The following SCYGR3 variants were observed in gnomAD, a reference collection of about 807,000 sequenced individuals.
The protein encoded by SCYGR3 is small cysteine and glycine repeat-containing protein 3.
At chr2:227,614,591 T>C (rs557400897) in exon 1 of SCYGR3, 30 of 398,740 alleles carry the variant, frequency 7.5e-5, no homozygotes, top group East Asian at 2.1e-4. Flanking sequence ...CAGCCCTTCC[T>C]ACAGCCACAG....
rs1693900188 is a variant in SCYGR3, at chr2:227,614,733, GCCACAGACACCACCACAGCCACCA to G, written c.84_107del (p.Gly29_Gly36del). The G allele has an allele frequency of 7.5e-6, 3 of 398,886 alleles. No individual in the cohort carries two copies. In the East Asian group the frequency reaches 1.1e-4, roughly 14 times the overall value. The allele number at this position is 398,886 out of a possible 1,614,324, so 24.7% of individuals were successfully genotyped here. Reference sequence around the variant, plus strand: ...GGTAGCACCTGCAGGTGGTGCAGCTGCCACAGACACCACCACAGCCACCACCGCAGCCACCACCGCAGCCACCAC... The same window carrying G: ...GGTAGCACCTGCAGGTGGTGCAGCTGCCGCAGCCACCACCGCAGCCACCAC... On this transcript the variant is annotated inframe_deletion, in exon 1 of 1. Coordinates refer to ENST00000642029, the Ensembl canonical transcript of SCYGR3.
exon 1 of SCYGR3, chr2:227,614,793 A>G (rs958409543): frequency 2.5e-6 from 1 of 407,972 alleles, no homozygotes; most frequent in East Asian, 3.5e-5. Context: ...CGCAGCCACC[A>G]CAGCCACCAC....
At chr2:227,614,643 T>C (rs992121397) in exon 1 of SCYGR3, 2 of 398,622 alleles carry the variant, frequency 5.0e-6, no homozygotes, top group Non-Finnish European at 8.8e-6. Flanking sequence ...AGATCACAGG[T>C]GTGCTGCAAC....
At chr2:227,614,788 C>T in exon 1 of SCYGR3, 3 of 407,208 alleles carry the variant, frequency 7.4e-6, no homozygotes, top group Non-Finnish European at 1.3e-5. Context: ...ACCACCGCAG[C>T]CACCACAGCC....
chr2:227,614,612 G>T (rs554555926), exon 1 of SCYGR3: 11 of 398,566 alleles, frequency 2.8e-5, no homozygotes, highest in East Asian at 3.6e-5. Context: ...CCACATGAGC[G>T]GCAGGTGCGG....
At chr2:227,614,681 G>T (rs1040727235) in exon 1 of SCYGR3, 1 of 398,736 alleles carries the variant, frequency 2.5e-6, no homozygotes, top group Non-Finnish European at 4.4e-6. Flanking sequence ...CGGCAGCAGG[G>T]GCAGCAGCTG....
exon 1 of SCYGR3, chr2:227,614,585 C>T (rs539308201): frequency 1.0e-5 from 4 of 398,766 alleles, no homozygotes; most frequent in South Asian, 1.3e-4. Context: ...TGGCAACAGC[C>T]CTTCCTACAG....
At chr2:227,614,612 G>C (rs554555926) in exon 1 of SCYGR3, 14 of 398,568 alleles carry the variant, frequency 3.5e-5, no homozygotes, top group Admixed American at 1.3e-4. Flanking sequence ...CCACATGAGC[G>C]GCAGGTGCGG....
chr2:227,614,719 C>A, exon 1 of SCYGR3: 1 of 399,964 alleles, frequency 2.5e-6, no homozygotes, highest in East Asian at 3.6e-5. Context: ...GTAGCACCTG[C>A]AGGTGGTGCA....
chr2:227,614,624 GGCA>G, exon 1 of SCYGR3: 1 of 398,712 alleles, frequency 2.5e-6, no homozygotes. Context: ...CAGGTGCGGC[GGCA>G]GCAGCAGATC....
chr2:227,614,786 A>C (rs1174170541), exon 1 of SCYGR3: 2 of 401,510 alleles, frequency 5.0e-6, no homozygotes, highest in African/African-American at 2.3e-5. Context: ...CCACCACCGC[A>C]GCCACCACAG....
exon 1 of SCYGR3, chr2:227,614,663 A>G (rs1317581222): frequency 7.5e-6 from 3 of 398,838 alleles, no homozygotes; most frequent in Admixed American, 8.8e-5. Context: ...CAGCCTCCAC[A>G]GCAGCCGCGG....
exon 1 of SCYGR3, chr2:227,614,567 A>G: frequency 2.5e-6 from 1 of 398,732 alleles, no homozygotes; most frequent in Non-Finnish European, 4.4e-6. Flanking sequence ...TGGCAGCAGC[A>G]CTTCTGCTGG....
At chr2:227,614,640 A>G (rs959330784) in exon 1 of SCYGR3, 15 of 398,722 alleles carry the variant, frequency 3.8e-5, no homozygotes, top group Non-Finnish European at 4.9e-5. Flanking sequence ...AGCAGATCAC[A>G]GGTGTGCTGC....
exon 1 of SCYGR3, chr2:227,614,663 A>C (rs1317581222): frequency 2.5e-6 from 1 of 398,836 alleles, no homozygotes; most frequent in Non-Finnish European, 4.4e-6. Flanking sequence ...CAGCCTCCAC[A>C]GCAGCCGCGG....
At chr2:227,614,568 C>T (rs571914452) in exon 1 of SCYGR3, 40 of 398,760 alleles carry the variant, frequency 1.0e-4, no homozygotes, top group Non-Finnish European at 1.5e-4. Context: ...GGCAGCAGCA[C>T]TTCTGCTGGC....
exon 1 of SCYGR3, chr2:227,614,627 A>G (rs978179088): frequency 1.3e-5 from 5 of 398,622 alleles, no homozygotes; most frequent in Non-Finnish European, 2.2e-5. Flanking sequence ...GTGCGGCGGC[A>G]GCAGCAGATC....
chr2:227,614,760 G>A (rs567273580), exon 1 of SCYGR3: 13,500 of 398,782 alleles, frequency 0.034, 1,114 homozygotes, highest in African/African-American at 0.21. Flanking sequence ...AGCCACCACC[G>A]CAGCCACCAC....
At chr2:227,614,807 A>T in exon 1 of SCYGR3, 1 of 407,244 alleles carries the variant, frequency 2.5e-6, no homozygotes, top group Non-Finnish European at 4.3e-6. Flanking sequence ...CCACCACCAC[A>T]GCCACCACAA....
Sources: allele counts gnomAD v4.1 joint callset, GRCh38; gene constraint gnomAD v4.1.1; transcripts MANE v1.5; gene names NCBI Gene and HGNC (gene_info 2026-07-23, HGNC 2026-07-21).